Variants in SAMD7 observed in about 807,000 individuals in gnomAD.
SAMD7 encodes sterile alpha motif domain-containing protein 7.
SAMD7 carries 34 observed loss-of-function variants against 36.7 expected under a neutral mutation model. That is an observed-to-expected ratio of 0.93 (90% CI 0.71 to 1.23). The LOEUF is 1.23. SAMD7 is among the 50% of genes most tolerant of loss of function. The pLI is 0.00. For missense variants in SAMD7, 570 were observed against 546.6 expected (o/e 1.04, Z -0.43); for synonymous variants, 188 against 189.7 (o/e 0.99, Z 0.07).
At chr3:169,932,738 G>A (rs1295748) in intron 7 of SAMD7, 134,394 of 530,104 alleles carry the variant, frequency 0.25, 18,033 homozygotes, top group African/African-American at 0.38. Context: ...TTACTGAAAA[G>A]GCAAATTGGC....
At chr3:169,922,883 G>A (rs1465644831) in intron 4 of SAMD7, among the ~76,000 whole-genome samples, 1 of 152,198 alleles carries the variant, frequency 6.6e-6, no homozygotes, top group African/African-American at 2.4e-5. Context: ...TGTCAAGTGT[G>A]CCATCTGCAG....
At chr3:169,928,754 AC>A (rs1186623266) in intron 7 of SAMD7, among the ~76,000 whole-genome samples, 176 bp downstream of exon 7, 1 of 152,122 alleles carries the variant, frequency 6.6e-6, no homozygotes, top group Non-Finnish European at 1.5e-5. Context: ...TGGGTCATAC[AC>A]CCACACCCCA....
intron 4 of SAMD7, among the ~76,000 whole-genome samples, chr3:169,921,671 G>A (rs1275880432): frequency 6.6e-6 from 1 of 152,182 alleles, no homozygotes; most frequent in Admixed American, 6.5e-5. Context: ...GTTTACATGG[G>A]CCCGATGGTC....
At chr3:169,919,115 C>T (rs1468497942) in intron 2 of SAMD7, among the ~76,000 whole-genome samples, 2 of 152,156 alleles carry the variant, frequency 1.3e-5, no homozygotes, top group Admixed American at 6.5e-5. Context: ...CATTGCACTC[C>T]AGCCTGGGCA....
Position 169,919,536 on chromosome 3 carries a change from A to G in SAMD7, c.38A>G (p.Gln13Arg). 6.2e-7 allele frequency: 1 copy of G among 1,614,212 alleles called. No homozygotes were observed. The highest frequency in any genetic ancestry group is 8.5e-7 in the Non-Finnish European group (1 of 1,180,028). The change falls in exon 3 of 9, where the codon CAG becomes CGG. Residue 13 changes from glutamine (Q) to arginine (R), a missense_variant. Transcript: ENST00000335556. ...CCTTTATTGACACCAACAGGGCAGC[A>G]GACAATCCCACTGATCCCCTCACCA... ...VNPLLTPTGQQTIPLIPSPFG... is the reference protein window; with the variant it reads ...VNPLLTPTGQRTIPLIPSPFG...
In SAMD7 at chr3:169,921,353, A is replaced by C. The variant is rs1342494333; in HGVS notation, c.211+15A>C. 20 of 1,611,678 alleles carry C rather than the reference A, an allele frequency of 1.2e-5. No homozygotes were observed. The highest frequency in any genetic ancestry group is 1.7e-5 in the Non-Finnish European group (20 of 1,178,090). ...GATCTACCCAGGTATGAGCAATAGA[A>C]GTTTGGCTCTCATCTGTGGAGTCAT... is the stretch of plus-strand genomic sequence containing the variant. On this transcript the variant is annotated intron_variant, in intron 4 of 8. Transcript: ENST00000335556.
rs148776097 is a variant in SAMD7, at chr3:169,917,625, G to GTTTGTTTATTTA, written c.-41-1830_-41-1829insGTTTATTTATTT. Among the ~76,000 whole-genome samples, 606 of 146,114 alleles carry GTTTGTTTATTTA rather than the reference G, an allele frequency of 4.1e-3. 2 individuals are homozygous for GTTTGTTTATTTA. Among genetic ancestry groups the GTTTGTTTATTTA allele is most frequent in the Non-Finnish European group, 6.7e-3 (450 of 66,740 alleles). ...TAGTTATTTTTATTTTTATTTGTTT[G>GTTTGTTTATTTA]TTTATTTATTTATTTATTTATTTAT... On this transcript the variant is annotated intron_variant, in intron 2 of 8. Transcript: ENST00000335556.
At chr3:169,922,894 A>T (rs911941559) in intron 4 of SAMD7, among the ~76,000 whole-genome samples, 1 of 152,242 alleles carries the variant, frequency 6.6e-6, no homozygotes, top group Non-Finnish European at 1.5e-5. Flanking sequence ...CCATCTGCAG[A>T]GCAAGTAAGA....
At chr3:169,923,665 A>C (rs1713143163) in intron 4 of SAMD7, among the ~76,000 whole-genome samples, 1 of 152,158 alleles carries the variant, frequency 6.6e-6, no homozygotes, top group Non-Finnish European at 1.5e-5. Context: ...TCACTTGAAC[A>C]CGGGAGAGGG....
chr3:169,929,385 A>G (rs1225782468), intron 7 of SAMD7, among the ~76,000 whole-genome samples: 1 of 139,148 alleles, frequency 7.2e-6, no homozygotes, highest in African/African-American at 2.8e-5. Context: ...GTTTAACTAC[A>G]TCATAATTAA....
Position 169,921,232 on chromosome 3 carries a change from C to T in SAMD7, c.105C>T (p.Thr35=), listed in dbSNP as rs370713332. 7.4e-6 allele frequency: 12 copies of T among 1,613,744 alleles called. No individual in the cohort carries two copies. The highest frequency in any genetic ancestry group is 6.7e-5 in the Admixed American group (4 of 59,996). The change falls in exon 4 of 9, where the codon ACC becomes ACT. Residue 35 remains threonine (T), a synonymous_variant. Transcript: ENST00000335556. ...TTCTCAGAGATGTATTGCCTTCCAC[C>T]GTAGCTCCAACTGACCCAAGACAGT... is the stretch of plus-strand genomic sequence containing the variant. The part of the protein sequence containing the change: ...PTVDRDVLPS[T]VAPTDPRQFC...
At chr3:169,934,382 C>T (rs1427114553) in intron 7 of SAMD7, among the ~76,000 whole-genome samples, 3 of 151,976 alleles carry the variant, frequency 2.0e-5, no homozygotes, top group African/African-American at 7.3e-5. Flanking sequence ...AAGCCTCCAC[C>T]GATGGTCCTC....
rs779706852 is a variant in SAMD7 at position 169,928,479 on chromosome 3, TG to T, written c.948del (p.Asn317IlefsTer57). ...AAGGAACACATGCACTGGTTACAAT[TG>T]GGGGGAATCTTTCTTTGGATGAAGA... ...LPGTHALVTIGGNLSLDEDIQ... is the reference protein window; with the variant it reads ...LPGTHALVTIXGNLSLDEDIQ... On this transcript the variant is annotated frameshift_variant, in exon 7 of 9. Transcript: ENST00000335556. LOFTEE classifies it high-confidence loss of function. 1.9e-6 allele frequency: 3 copies of T among 1,612,952 alleles called. No individual in the cohort carries two copies. The highest frequency in any genetic ancestry group is 1.7e-4 in the Middle Eastern group (1 of 6,060).
At chr3:169,935,004 A>G (rs1713669578) in intron 7 of SAMD7, among the ~76,000 whole-genome samples, 2 of 152,184 alleles carry the variant, frequency 1.3e-5, no homozygotes, top group Admixed American at 6.5e-5. Flanking sequence ...AAATAGAACA[A>G]CTGCAAAATG....
In SAMD7 at chr3:169,925,081, T is replaced by G; in HGVS notation, c.235T>G (p.Ser79Ala). 6.2e-7 allele frequency: 1 copy of G among 1,610,612 alleles called. No individual in the cohort carries two copies. Reference protein sequence around the residue: ...YPGWGILPPESIKAVARRNEM... With the variant: ...YPGWGILPPEAIKAVARRNEM... ...AGGTTGGGGCATTTTACCACCTGAATCCATAAAGGCAGTGGCCAGAAGGAA... is the reference window on the plus strand; with the variant it reads ...AGGTTGGGGCATTTTACCACCTGAAGCCATAAAGGCAGTGGCCAGAAGGAA... Residue 79 changes from serine (S) to alanine (A), a missense_variant, in exon 5 of 9, where the codon TCC (serine) becomes GCC (alanine). Ser to Ala is a moderately conservative substitution (Grantham distance 99). Transcript: ENST00000335556.
At chr3:169,917,510 C>T (rs1442642398) in intron 2 of SAMD7, among the ~76,000 whole-genome samples, 3 of 151,998 alleles carry the variant, frequency 2.0e-5, no homozygotes, top group Non-Finnish European at 1.5e-5. Context: ...TATGGGAATA[C>T]AGTGCATAAT....
chr3:169,932,345 T>C (rs1374546586), intron 7 of SAMD7: 1 of 682,662 alleles, frequency 1.5e-6, no homozygotes, highest in East Asian at 3.3e-5. Flanking sequence ...GCCTTACTGA[T>C]CCTTGAAAGG....
chr3:169,912,234 A>G (rs893884301), intron 1 of SAMD7, among the ~76,000 whole-genome samples: 9 of 152,166 alleles, frequency 5.9e-5, no homozygotes, highest in African/African-American at 1.2e-4. Flanking sequence ...CCCCATTACT[A>G]TAGATATCTA....
At position 169,926,422 on chromosome 3, in the gene SAMD7, G is replaced by T. The variant is rs187335082; in HGVS notation, c.291-131G>T. The T allele has an allele frequency of 4.0e-5, 47 of 1,176,506 alleles. No homozygotes were observed. The African/African-American group carries it at 6.7e-4, about 17-fold the overall frequency. 72.9% of individuals were successfully genotyped at this position (1,176,506 alleles called of 1,614,324 possible). A position where few individuals can be genotyped will look rare whatever the true frequency, so the allele number is the denominator to read the frequency against. On this transcript the variant is annotated intron_variant, in intron 5 of 8. Transcript: ENST00000335556. ...CTCTCCTTCCCAGTGGCTTTGTGGG[G>T]GATTCATGTTTCCACCAAACAAACT... is the stretch of plus-strand genomic sequence containing the variant.
Sources: gnomAD v4.1 joint callset for allele counts (sites outside exome capture counted in the v4.1 genomes callset) on GRCh38, gnomAD v4.1.1 for gene constraint, MANE v1.5 for transcripts, NCBI Gene and HGNC (gene_info 2026-07-23, HGNC 2026-07-21) for gene names.